NWD2: variants seen among roughly 807,000 people sequenced by gnomAD.
NWD2 encodes the protein NACHT and WD repeat domain-containing protein 2.
A neutral mutation model predicts 132.7 loss-of-function variants in NWD2; 37 were observed. The ratio of observed to expected loss-of-function variants is 0.28; its 90% CI spans 0.21 to 0.37. NWD2 has a LOEUF of 0.37. NWD2 is among the 10% of genes least tolerant of loss of function. The pLI is 1.00. For synonymous variants in NWD2, 705 were observed against 803.0 expected (o/e 0.88, Z 2.06); for missense variants, 1,592 against 2,122.4 (o/e 0.75, Z 4.91).
At chr4:37,382,245 A>G (rs1720468030) in intron 3 of NWD2, among the ~76,000 whole-genome samples, 1 of 152,220 alleles carries the variant, frequency 6.6e-6, no homozygotes. Flanking sequence ...AGAGATCAGG[A>G]AAGTCCCGGT....
At chr4:37,305,931 C>T (rs1251654709) in intron 1 of NWD2, among the ~76,000 whole-genome samples, 1 of 151,996 alleles carries the variant, frequency 6.6e-6, no homozygotes, top group African/African-American at 2.4e-5. Flanking sequence ...GTTGTTAGTC[C>T]TTTAAAGGTT....
intron 3 of NWD2, among the ~76,000 whole-genome samples, chr4:37,365,271 A>G (rs1011665844): frequency 1.3e-5 from 2 of 152,222 alleles, no homozygotes; most frequent in African/African-American, 4.8e-5. Context: ...TAGGTATACA[A>G]AACAAAATAC....
chr4:37,418,595 C>T (rs984375643), intron 3 of NWD2, among the ~76,000 whole-genome samples: 12 of 150,470 alleles, frequency 8.0e-5, no homozygotes, highest in African/African-American at 2.2e-4. Flanking sequence ...TCCTTGCTAT[C>T]ATGAAAATGG....
chr4:37,316,185 G>A (rs1375834345), intron 1 of NWD2, among the ~76,000 whole-genome samples: 1 of 151,946 alleles, frequency 6.6e-6, no homozygotes, highest in East Asian at 1.9e-4. Context: ...GCTAGTATCA[G>A]CTTTTCTCAG....
At chr4:37,409,451 G>C (rs1721111473) in intron 3 of NWD2, among the ~76,000 whole-genome samples, 1 of 151,744 alleles carries the variant, frequency 6.6e-6, no homozygotes, top group Admixed American at 6.6e-5. Context: ...GTGAAGACAA[G>C]ATTATGGAAA....
At chr4:37,427,730 G>A (rs1362657797) in intron 3 of NWD2, among the ~76,000 whole-genome samples, 1 of 152,212 alleles carries the variant, frequency 6.6e-6, no homozygotes, top group Non-Finnish European at 1.5e-5. Flanking sequence ...CAGTACTGAG[G>A]AGGCTTGAGC....
At chr4:37,319,025 T>C (rs1719015256) in intron 1 of NWD2, among the ~76,000 whole-genome samples, 1 of 152,242 alleles carries the variant, frequency 6.6e-6, no homozygotes, top group Non-Finnish European at 1.5e-5. Context: ...AAATGGTAGC[T>C]CTGTTTTACA....
At chr4:37,386,733 A>T (rs1045423738) in intron 3 of NWD2, among the ~76,000 whole-genome samples, 1 of 152,164 alleles carries the variant, frequency 6.6e-6, no homozygotes, top group African/African-American at 2.4e-5. Context: ...GTGATCACCA[A>T]TATTGAAGGT....
intron 6 of NWD2, among the ~76,000 whole-genome samples, chr4:37,442,538 T>G (rs1560256950): frequency 6.6e-6 from 1 of 152,326 alleles, no homozygotes; most frequent in East Asian, 1.9e-4. Context: ...TAAATGACAC[T>G]GTAATCTCAT....
At chr4:37,316,893 A>C (rs1718970984) in intron 1 of NWD2, among the ~76,000 whole-genome samples, 1 of 152,004 alleles carries the variant, frequency 6.6e-6, no homozygotes, top group Non-Finnish European at 1.5e-5. Context: ...GATGTTTTTT[A>C]GTTTGTTTCT....
At chr4:37,303,448 G>A (rs538364420) in intron 1 of NWD2, among the ~76,000 whole-genome samples, 47 of 152,038 alleles carry the variant, frequency 3.1e-4, no homozygotes, top group African/African-American at 8.9e-4. Context: ...TTTTTGTTAC[G>A]GTTCCATATA....
chr4:37,327,985 T>A (rs1194596456), intron 2 of NWD2, among the ~76,000 whole-genome samples: 2 of 152,134 alleles, frequency 1.3e-5, no homozygotes, highest in Non-Finnish European at 2.9e-5. Flanking sequence ...TTCAGTCTGG[T>A]TCTTCCCCTG....
Position 37,244,960 on chromosome 4 carries a change from C to G in NWD2, c.-108C>G. 1 of 1,436,466 alleles carries G rather than the reference C, an allele frequency of 7.0e-7. No homozygotes were observed. Among genetic ancestry groups the G allele is most frequent in the Non-Finnish European group, 9.3e-7 (1 of 1,073,672 alleles). 89.0% of individuals were successfully genotyped at this position (1,436,466 alleles called of 1,614,324 possible). A position where few individuals can be genotyped will look rare whatever the true frequency, so the allele number is the denominator to read the frequency against. On this transcript the variant is annotated 5_prime_UTR_variant, in exon 1 of 7. Transcript: ENST00000309447. The surrounding 1 kb of genome is among the most constrained non-coding windows in gnomAD (Gnocchi z 5.5). ...GGGCTCGGAGCGGCTCTGAGCCGCGCCGCCTGCTGAGATCGACCGCCTGCT... is the reference window on the plus strand; with the variant it reads ...GGGCTCGGAGCGGCTCTGAGCCGCGGCGCCTGCTGAGATCGACCGCCTGCT...
intron 1 of NWD2, among the ~76,000 whole-genome samples, chr4:37,264,074 G>A (rs952616175): frequency 3.3e-5 from 5 of 152,144 alleles, no homozygotes; most frequent in African/African-American, 1.2e-4. Context: ...AGATTGGACT[G>A]ACCAACCCAT....
rs182964572 is a variant in NWD2 at position 37,252,544 on chromosome 4, T to C, written c.151+7326T>C. 4.2e-4 allele frequency among the ~76,000 whole-genome samples: 64 copies of C among 152,344 alleles called. No homozygotes were observed. In the Middle Eastern group the frequency reaches 0.017, roughly 40 times the overall value. ...AACAATGATTTCTTTCTCACAGTTC[T>C]GTGGTTGGTATTTTGGGCAAGGCTT... On this transcript the variant is annotated intron_variant, in intron 1 of 6. Coordinates refer to ENST00000309447, the MANE Select transcript of NWD2 (RefSeq NM_001144990.2).
intron 2 of NWD2, among the ~76,000 whole-genome samples, chr4:37,326,414 C>G (rs1719173687): frequency 6.6e-6 from 1 of 152,120 alleles, no homozygotes; most frequent in African/African-American, 2.4e-5. Flanking sequence ...TTTCATCAGC[C>G]AGGCCTGGCC....
rs187965931 is a variant in NWD2, at chr4:37,338,316, C to A, written c.240+12292C>A. Among the ~76,000 whole-genome samples, 269 of 152,348 alleles carry A rather than the reference C, an allele frequency of 1.8e-3. 1 individual carries two copies. Among genetic ancestry groups the A allele is most frequent in the African/African-American group, 6.0e-3 (250 of 41,572 alleles). ...ACTAGGCATCACTGGGGACTGGGCCCAAGAGCTCCATTTTTCCCCTTCAGG... is the reference window on the plus strand; with the variant it reads ...ACTAGGCATCACTGGGGACTGGGCCAAAGAGCTCCATTTTTCCCCTTCAGG... On this transcript the variant is annotated intron_variant, in intron 2 of 6. Transcript: ENST00000309447.
intron 1 of NWD2, among the ~76,000 whole-genome samples, chr4:37,246,037 G>T (rs1182291240): frequency 6.6e-6 from 1 of 152,200 alleles, no homozygotes; most frequent in East Asian, 1.9e-4. Context: ...AGTAATTGGG[G>T]AGTTGGGGAA....
Position 37,357,487 on chromosome 4 carries a change from T to C in NWD2, c.357+1005T>C, listed in dbSNP as rs73807498. On this transcript the variant is annotated intron_variant, in intron 3 of 6. Coordinates refer to ENST00000309447, the MANE Select transcript of NWD2 (RefSeq NM_001144990.2). The stretch of plus-strand genomic sequence containing the variant: ...GCTGTATCATATAGTATTTGTAGTA[T>C]TCCATATATAGATAAGTTGATTACT... Among the ~76,000 whole-genome samples the C allele has an allele frequency of 6.8e-3, 1,036 of 152,306 alleles. 10 individuals are homozygous for C. The highest frequency in any genetic ancestry group is 0.024 in the African/African-American group (1,004 of 41,566).
Sources: allele counts gnomAD v4.1 joint callset (sites outside exome capture counted in the v4.1 genomes callset), GRCh38; gene constraint gnomAD v4.1.1; non-coding constraint Gnocchi (gnomAD v3.1); transcripts MANE v1.5; gene names NCBI Gene and HGNC (gene_info 2026-07-23, HGNC 2026-07-21).